The following FBN2 variants were observed in gnomAD, a reference collection of about 807,000 sequenced individuals.
FBN2 encodes fibrillin-2.
A neutral mutation model predicts 355.6 loss-of-function variants in FBN2; 105 were observed. The ratio of observed to expected loss-of-function variants is 0.30; its 90% CI spans 0.25 to 0.35. FBN2 has a LOEUF of 0.35. Ranked by LOEUF, FBN2 falls within the 10% of genes least tolerant of loss-of-function variation. FBN2 has a pLI of 1.00. For missense variants in FBN2, 3,280 were observed against 3,758.7 expected, an observed-to-expected ratio of 0.87 and a Z score of 3.33; for synonymous variants, 1,350 against 1,301.2, an observed-to-expected ratio of 1.04 and a Z score of -0.81.
At chr5:128,353,395 G>T (rs1173721340) in intron 20 of FBN2, among the ~76,000 whole-genome samples, 2 of 152,176 alleles carry the variant, frequency 1.3e-5, no homozygotes, top group African/African-American at 2.4e-5. Flanking sequence ...GGGCAAAGGT[G>T]TGAAAAAGAG....
At chr5:128,363,459 G>C (rs1347955896) in intron 18 of FBN2, among the ~76,000 whole-genome samples, 1 of 152,096 alleles carries the variant, frequency 6.6e-6, no homozygotes, top group Non-Finnish European at 1.5e-5. Context: ...CAAAGTACTA[G>C]GATTACAGGA....
At chr5:128,489,827 T>C (rs1755451088) in intron 5 of FBN2, among the ~76,000 whole-genome samples, 1 of 152,206 alleles carries the variant, frequency 6.6e-6, no homozygotes, top group African/African-American at 2.4e-5. Flanking sequence ...TTGTGATTAT[T>C]CACTTGTTAT....
In FBN2 at chr5:128,306,578, C is replaced by T. The variant is rs138211590; in HGVS notation, c.5422+557G>A. On this transcript the variant is annotated intron_variant, in intron 42 of 64. Coordinates refer to ENST00000262464, the MANE Select transcript of FBN2 (RefSeq NM_001999.4). ...CAGAGGTTACAGTGAGCTGAGATCG[C>T]GCCATTGCACTCCAGCCTGGGCAAC... 1.4e-3 allele frequency among the ~76,000 whole-genome samples: 218 copies of T among 151,920 alleles called. 1 individual carries two copies. The highest frequency in any genetic ancestry group is 4.7e-3 in the African/African-American group (195 of 41,434).
At chr5:128,309,812 A>G (rs1749983197) in intron 40 of FBN2, among the ~76,000 whole-genome samples, 171 bp downstream of exon 40, 1 of 152,234 alleles carries the variant, frequency 6.6e-6, no homozygotes, top group South Asian at 2.1e-4. Flanking sequence ...ATTTAAATGT[A>G]TACCCAAAGG....
chr5:128,496,337 G>A (rs1755655142), intron 5 of FBN2, among the ~76,000 whole-genome samples: 4 of 151,904 alleles, frequency 2.6e-5, no homozygotes, highest in African/African-American at 7.3e-5. Flanking sequence ...TATATACCAC[G>A]ACCCAGTGGG....
chr5:128,434,394 GTA>G lies in FBN2; in HGVS notation c.952+12085_952+12086del, dbSNP rs6149234. Among the ~76,000 whole-genome samples, 96 of 91,588 alleles carry G rather than the reference GTA, an allele frequency of 1.0e-3. 8 individuals are homozygous for G. The highest frequency in any genetic ancestry group is 4.8e-3 in the Middle Eastern group (1 of 208). The allele number at this position is 91,588 out of a possible 152,430, so 60.1% of individuals were successfully genotyped here. A position where few individuals can be genotyped will look rare whatever the true frequency, so the allele number is the denominator to read the frequency against. On this transcript the variant is annotated intron_variant, in intron 7 of 64. Transcript: ENST00000262464. ...CAATGCCTGGCAGTGAATAAAGTGT[GTA>G]TATATATATATATATATATATATAT...
intron 7 of FBN2, among the ~76,000 whole-genome samples, chr5:128,420,795 C>A (rs79118337): frequency 6.6e-6 from 1 of 152,136 alleles, no homozygotes; most frequent in East Asian, 1.9e-4. Context: ...TTCATGAACT[C>A]ATTAAGTAAT....
At chr5:128,404,744 G>A (rs1416335899) in intron 8 of FBN2, among the ~76,000 whole-genome samples, 2 of 152,202 alleles carry the variant, frequency 1.3e-5, no homozygotes, top group African/African-American at 4.8e-5. Context: ...AGTGAGTAAC[G>A]CAGAAGTACC....
intron 8 of FBN2, among the ~76,000 whole-genome samples, chr5:128,405,118 C>A (rs541790481): frequency 4.6e-5 from 7 of 152,274 alleles, no homozygotes; most frequent in African/African-American, 1.7e-4. Context: ...TTGCAGCAAG[C>A]TGAGATGGTG....
In FBN2 at chr5:128,537,971, C is replaced by T. The variant is rs2112811883; in HGVS notation, c.-368G>A. 3.1e-6 allele frequency: 1 copy of T among 319,702 alleles called. No homozygotes were observed. The highest frequency in any genetic ancestry group is 4.8e-5 in the Admixed American group (1 of 20,828). 19.8% of individuals were successfully genotyped at this position (319,702 alleles called of 1,614,324 possible). A position where few individuals can be genotyped will look rare whatever the true frequency, so the allele number is the denominator to read the frequency against. ...GCGTAAAATTTCAAAAAATGTGAACCTCAAAAGAAAAAAGGGCCTGCACGC... is the reference window on the plus strand; with the variant it reads ...GCGTAAAATTTCAAAAAATGTGAACTTCAAAAGAAAAAAGGGCCTGCACGC... On this transcript the variant is annotated 5_prime_UTR_variant, in exon 1 of 65. Coordinates refer to ENST00000262464, the MANE Select transcript of FBN2 (RefSeq NM_001999.4).
At chr5:128,266,440 T>C (rs965786037) in intron 62 of FBN2, among the ~76,000 whole-genome samples, 2 of 152,210 alleles carry the variant, frequency 1.3e-5, no homozygotes, top group African/African-American at 2.4e-5. Context: ...CTGGACTCCA[T>C]TGCGAGCTCC....
chr5:128,496,688 A>G (rs1755663193), intron 5 of FBN2, among the ~76,000 whole-genome samples: 1 of 152,092 alleles, frequency 6.6e-6, no homozygotes, highest in African/African-American at 2.4e-5. Flanking sequence ...AAAAGCATCC[A>G]TGTTGGAATG....
chr5:128,361,156 A>T (rs1751628514), intron 19 of FBN2, among the ~76,000 whole-genome samples: 1 of 152,228 alleles, frequency 6.6e-6, no homozygotes, highest in Admixed American at 6.5e-5. Context: ...AAAACAAAGA[A>T]GCTTTTAAAC....
At chr5:128,412,162 C>T (rs11951921) in intron 7 of FBN2, among the ~76,000 whole-genome samples, 16,551 of 152,120 alleles carry the variant, frequency 0.11, 1,064 homozygotes, top group African/African-American at 0.17. Context: ...CTGATTTAAA[C>T]TGATATAAAT....
At chr5:128,383,003 A>G (rs1752273964) in intron 11 of FBN2, among the ~76,000 whole-genome samples, 1 of 152,138 alleles carries the variant, frequency 6.6e-6, no homozygotes, top group Non-Finnish European at 1.5e-5. Flanking sequence ...ATGGTTTTCA[A>G]GAAACTTGAC....
At chr5:128,497,387 A>T (rs17839642) in intron 5 of FBN2, among the ~76,000 whole-genome samples, 1 of 152,202 alleles carries the variant, frequency 6.6e-6, no homozygotes, top group African/African-American at 2.4e-5. Context: ...TTTGATAATC[A>T]TCACAAATCT....
intron 34 of FBN2, among the ~76,000 whole-genome samples, chr5:128,323,716 C>T (rs1306517575): frequency 6.6e-6 from 1 of 152,178 alleles, no homozygotes; most frequent in Admixed American, 6.5e-5. Context: ...AGAATCTTTG[C>T]ATCAATGTTC....
chr5:128,444,923 G>T (rs1754026794), intron 7 of FBN2, among the ~76,000 whole-genome samples: 1 of 151,754 alleles, frequency 6.6e-6, no homozygotes, highest in Non-Finnish European at 1.5e-5. Context: ...TAGTCCAGAA[G>T]TAAAAAGTGA....
At position 128,263,474 on chromosome 5, in the gene FBN2, C is replaced by A. The variant is rs772569905; in HGVS notation, c.8143G>T (p.Gly2715Trp). Residue 2715 changes from glycine to tryptophan, a missense_variant, in exon 63 of 65, where the codon GGG becomes TGG. Coordinates refer to ENST00000262464, the MANE Select transcript of FBN2 (RefSeq NM_001999.4). ...PCNYGCSNTEGGYLCGCPPGY... is the reference protein window; with the variant it reads ...PCNYGCSNTEWGYLCGCPPGY... Reference sequence around the variant, plus strand: ...GGGGGGCAGCCACAGAGGTAGCCCCCCTCCGTGTTAGAGCAGCCGTAATTG... The same window carrying A: ...GGGGGGCAGCCACAGAGGTAGCCCCACTCCGTGTTAGAGCAGCCGTAATTG... The A allele has an allele frequency of 3.7e-6, 6 of 1,613,982 alleles. No homozygotes were observed. Among genetic ancestry groups the A allele is most frequent in the Admixed American group, 1.7e-5 (1 of 59,994 alleles).
Sources: allele counts gnomAD v4.1 joint callset (sites outside exome capture counted in the v4.1 genomes callset), GRCh38; gene constraint gnomAD v4.1.1; transcripts MANE v1.5; gene names NCBI Gene and HGNC (gene_info 2026-07-23, HGNC 2026-07-21).